IFNLR1: variants seen among roughly 807,000 people sequenced by gnomAD.
IFNLR1 encodes interferon lambda receptor 1.
Under a neutral mutation model 52.5 loss-of-function variants are expected in IFNLR1, and 28 were observed. The observed-to-expected ratio is 0.53, with a 90% CI of 0.40 to 0.73. The LOEUF (loss-of-function observed/expected upper bound fraction) is 0.73. Among genes scored for constraint, IFNLR1 ranks in the 30% least tolerant of loss-of-function variants. The pLI, the probability that IFNLR1 is intolerant of heterozygous loss-of-function variation, is 0.00. For missense variants in IFNLR1, 623 were observed against 659.1 expected (o/e 0.95, Z 0.60); for synonymous variants, 276 against 274.9 (o/e 1.00, Z -0.04).
chr1:24,175,368 A>C lies in IFNLR1; in HGVS notation c.182+5363T>G, dbSNP rs369045997. ...CTGAGCCAAAGAGGGCTATTCTTGA[A>C]ACTTAAAATCTAATGGAATTTGCCC... On this transcript the variant is annotated intron_variant, in intron 2 of 6. Coordinates refer to ENST00000327535, the MANE Select transcript of IFNLR1 (RefSeq NM_170743.4). Among the ~76,000 whole-genome samples, 73 of 152,366 alleles carry C rather than the reference A, an allele frequency of 4.8e-4. 1 individual carries two copies. Among genetic ancestry groups the C allele is most frequent in the African/African-American group, 1.7e-3 (72 of 41,588 alleles).
In IFNLR1 at chr1:24,157,257, C is replaced by A; in HGVS notation, c.1436G>T (p.Ser479Ile). Reference sequence around the variant, plus strand: ...CCTCGCCTCCTCTTCCTCCTCAGGGCTGCTTTCCCAGCAGAAGGTCAGTGT... The same window carrying A: ...CCTCGCCTCCTCTTCCTCCTCAGGGATGCTTTCCCAGCAGAAGGTCAGTGT... The part of the protein sequence containing the change: ...LQTLTFCWES[S>I]PEEEEEARES... Residue 479 changes from serine (S) to isoleucine (I), a missense_variant, in exon 7 of 7, where the codon AGC becomes ATC. Ser to Ile is a moderately radical substitution (Grantham distance 142). Coordinates refer to ENST00000327535, the MANE Select transcript of IFNLR1 (RefSeq NM_170743.4). This position sits in a 1 kb window ranked among gnomAD's most constrained non-coding sequence, Gnocchi z 5.1. 2 of 1,614,178 alleles carry A rather than the reference C, an allele frequency of 1.2e-6. No homozygotes were observed. Among genetic ancestry groups the A allele is most frequent in the Non-Finnish European group, 1.7e-6 (2 of 1,180,032 alleles).
chr1:24,169,716 C>T (rs1472327027), intron 2 of IFNLR1, 115 bp from the exon 3 acceptor site: 5 of 1,109,986 alleles, frequency 4.5e-6, no homozygotes, highest in Non-Finnish European at 5.1e-6. Flanking sequence ...TTAGGTCCAT[C>T]CGTCCAGACA....
intron 3 of IFNLR1, among the ~76,000 whole-genome samples, chr1:24,163,238 C>A (rs1644483573): frequency 6.6e-6 from 1 of 151,970 alleles, no homozygotes; most frequent in Non-Finnish European, 1.5e-5. Context: ...AAGCCACTGC[C>A]CCTGGCCAGA....
chr1:24,157,543 C>T lies in IFNLR1; in HGVS notation c.1150G>A (p.Asp384Asn). ...LVPSEGSSAW[D>N]SSDRSWASTV... ...CTGGCCCAGCTTCTGTCTGAAGAAT[C>T]CCAAGCAGAGGAGCCTTCGCTTGGG... is the stretch of plus-strand genomic sequence containing the variant. Residue 384 changes from aspartate to asparagine, a missense_variant, in exon 7 of 7, where the codon GAT becomes AAT. Coordinates refer to ENST00000327535, the MANE Select transcript of IFNLR1 (RefSeq NM_170743.4). The surrounding 1 kb of genome is among the most constrained non-coding windows in gnomAD (Gnocchi z 5.1). 1.2e-6 allele frequency: 2 copies of T among 1,611,922 alleles called. No homozygotes were observed. Among genetic ancestry groups the T allele is most frequent in the Non-Finnish European group, 1.7e-6 (2 of 1,179,016 alleles).
intron 3 of IFNLR1, among the ~76,000 whole-genome samples, chr1:24,167,638 G>T (rs1644533285): frequency 1.3e-5 from 2 of 151,896 alleles, no homozygotes; most frequent in African/African-American, 4.8e-5. Context: ...ATCCGCCTCG[G>T]CCTCCCAAAG....
chr1:24,165,940 G>A (rs1214214970), intron 3 of IFNLR1, among the ~76,000 whole-genome samples: 6 of 152,192 alleles, frequency 3.9e-5, no homozygotes, highest in African/African-American at 1.4e-4. Context: ...AGCAGAAAAA[G>A]TGTGGAGGGA....
rs569798106 is a variant in IFNLR1 at position 24,161,647 on chromosome 1, C to T, written c.405G>A (p.Thr135=). The change falls in exon 4 of 7, where the codon ACG becomes ACA. Residue 135 remains threonine, a synonymous_variant. Transcript: ENST00000327535. ...TGGCATTGGCACTCAGGATCTCCTC[C>T]GTCTGGGTGAGCACCAGGACAGGTG... ...PAPPVLVLTQ[T]EEILSANATY... 1.5e-5 allele frequency: 23 copies of T among 1,537,414 alleles called. No homozygotes were observed. The highest frequency in any genetic ancestry group is 7.3e-5 in the East Asian group (3 of 41,012).
intron 3 of IFNLR1, among the ~76,000 whole-genome samples, chr1:24,165,997 G>A (rs1419451055): frequency 6.6e-6 from 1 of 152,154 alleles, no homozygotes; most frequent in Non-Finnish European, 1.5e-5. Flanking sequence ...TGGGGCTGAA[G>A]AATCAGGAGA....
chr1:24,165,290 G>C (rs1644507159), intron 3 of IFNLR1, among the ~76,000 whole-genome samples: 1 of 152,140 alleles, frequency 6.6e-6, no homozygotes, highest in African/African-American at 2.4e-5. Context: ...TATGACTGCA[G>C]GACACAATTC....
chr1:24,169,405 C>A lies in IFNLR1; in HGVS notation c.367+12G>T, dbSNP rs777560261. ...GACAGCCTTCCACTCAGTCCCTTAC[C>A]CACAGACCTACCTTCAAAAAGGTAA... On this transcript the variant is annotated intron_variant, in intron 3 of 6. Transcript: ENST00000327535. 1.2e-6 allele frequency: 2 copies of A among 1,611,302 alleles called. No individual in the cohort carries two copies. Among genetic ancestry groups the A allele is most frequent in the South Asian group, 2.2e-5 (2 of 90,638 alleles).
intron 3 of IFNLR1, among the ~76,000 whole-genome samples, chr1:24,162,872 T>TCTCCTTCCTTCCTTCCTTCCTTCCTTCC (rs1644474002): frequency 2.0e-4 from 8 of 40,138 alleles, no homozygotes; most frequent in Admixed American, 5.7e-4. Context: ...TCTTTCTTTC[T>TCTCCTTCCTTCCTTCCTTCCTTCCTTCC]TTCTTTCCTT....
At chr1:24,168,645 G>A (rs1169436292) in intron 3 of IFNLR1, among the ~76,000 whole-genome samples, 1 of 151,368 alleles carries the variant, frequency 6.6e-6, no homozygotes, top group African/African-American at 2.4e-5. Flanking sequence ...CTGCCAGTAA[G>A]CATGGGACAT....
intron 2 of IFNLR1, among the ~76,000 whole-genome samples, chr1:24,179,995 C>A (rs758583280): frequency 2.0e-5 from 3 of 152,176 alleles, no homozygotes; most frequent in African/African-American, 7.2e-5. Flanking sequence ...ATGATCCCAT[C>A]GGGAAAAGTG....
intron 1 of IFNLR1, among the ~76,000 whole-genome samples, chr1:24,182,468 C>A (rs1005957059): frequency 6.6e-6 from 1 of 152,170 alleles, no homozygotes; most frequent in Non-Finnish European, 1.5e-5. Flanking sequence ...TTTGTGAATG[C>A]AGTTTTTTTC....
chr1:24,163,216 G>A (rs901722847), intron 3 of IFNLR1, among the ~76,000 whole-genome samples: 12 of 152,082 alleles, frequency 7.9e-5, no homozygotes, highest in Admixed American at 2.0e-4. Context: ...CCCGCAAAGT[G>A]CTGAGTGGCA....
chr1:24,185,501 C>G (rs1323306703), intron 1 of IFNLR1, among the ~76,000 whole-genome samples: 2 of 152,224 alleles, frequency 1.3e-5, no homozygotes, highest in Non-Finnish European at 2.9e-5. Context: ...AAAATGGCAT[C>G]AGGGAGGGAG....
chr1:24,168,726 A>G lies in IFNLR1; in HGVS notation c.367+691T>C, dbSNP rs537384956. Reference sequence around the variant, plus strand: ...CAGTGTATAGAAAATACTTTTGCAAACAGAATTTGTTTTTTTTTCTTTGTT... The same window carrying G: ...CAGTGTATAGAAAATACTTTTGCAAGCAGAATTTGTTTTTTTTTCTTTGTT... On this transcript the variant is annotated intron_variant, in intron 3 of 6. Coordinates refer to ENST00000327535, the MANE Select transcript of IFNLR1 (RefSeq NM_170743.4). 2.0e-5 allele frequency among the ~76,000 whole-genome samples: 3 copies of G among 151,908 alleles called. No homozygotes were observed. In the South Asian group the frequency reaches 6.2e-4, roughly 32 times the overall value.
intron 3 of IFNLR1, among the ~76,000 whole-genome samples, chr1:24,162,696 C>T (rs1035570384): frequency 5.2e-5 from 3 of 57,280 alleles, no homozygotes; most frequent in Non-Finnish European, 1.1e-4. Context: ...GCAGAACTCA[C>T]TTTTCTTTTC....
intron 1 of IFNLR1, among the ~76,000 whole-genome samples, chr1:24,185,592 C>T (rs1333045577): frequency 6.6e-6 from 1 of 152,206 alleles, no homozygotes; most frequent in Non-Finnish European, 1.5e-5. Flanking sequence ...TGCCTGCTTC[C>T]ACCTCATCCT....
Sources: gnomAD v4.1 joint callset for allele counts (sites outside exome capture counted in the v4.1 genomes callset) on GRCh38, gnomAD v4.1.1 for gene constraint, Gnocchi (gnomAD v3.1) non-coding constraint, MANE v1.5 for transcripts, NCBI Gene and HGNC (gene_info 2026-07-23, HGNC 2026-07-21) for gene names.